SOCS7: variants seen among roughly 807,000 people sequenced by gnomAD.
SOCS7 encodes the protein NAP-4.
Under a neutral mutation model 58.9 loss-of-function variants are expected in SOCS7, and 18 were observed. The observed-to-expected ratio is 0.31, with a 90% CI of 0.21 to 0.45. The LOEUF (loss-of-function observed/expected upper bound fraction) is 0.45. Ranked by LOEUF, SOCS7 falls within the 20% of genes least tolerant of loss-of-function variation. The pLI is 1.00. For synonymous variants in SOCS7, 388 were observed against 364.3 expected (o/e 1.06, Z -0.74); for missense variants, 667 against 837.3 (o/e 0.80, Z 2.51).
intron 1 of SOCS7, among the ~76,000 whole-genome samples, chr17:38,353,267 T>C (rs1378940038): frequency 6.6e-6 from 1 of 152,208 alleles, no homozygotes; most frequent in African/African-American, 2.4e-5. Flanking sequence ...ATCTGTCTTG[T>C]TGGAAGATGG....
At chr17:38,388,362 T>A (rs932339518) in intron 7 of SOCS7, among the ~76,000 whole-genome samples, 2 of 146,522 alleles carry the variant, frequency 1.4e-5, no homozygotes, top group East Asian at 2.0e-4. Flanking sequence ...AAAAAAAAAA[T>A]ACAAAAATTA....
chr17:38,383,962 G>A (rs1224688051), intron 7 of SOCS7, among the ~76,000 whole-genome samples: 2 of 152,144 alleles, frequency 1.3e-5, no homozygotes, highest in Non-Finnish European at 2.9e-5. Context: ...CTTTCCTGGG[G>A]ATTTGTGACC....
chr17:38,379,015 G>A (rs1438133220), intron 7 of SOCS7, among the ~76,000 whole-genome samples: 7 of 151,524 alleles, frequency 4.6e-5, no homozygotes, highest in East Asian at 3.9e-4. Context: ...AAAATTAGCC[G>A]GGTGTGATGC....
chr17:38,405,263 A>G lies in SOCS7; in HGVS notation c.*5781A>G, dbSNP rs1036316910. On this transcript the variant is annotated 3_prime_UTR_variant, in exon 10 of 10. Transcript: ENST00000612932. ...GATGGGGAAAGGGAAAGAGGTTTTG[A>G]TATAAACAAAACAAATGCACTTTGG... 1.3e-5 allele frequency: 2 copies of G among 152,024 alleles called. No homozygotes were observed. Among genetic ancestry groups the G allele is most frequent in the Non-Finnish European group, 2.9e-5 (2 of 67,984 alleles). 9.4% of individuals were successfully genotyped at this position (152,024 alleles called of 1,614,324 possible).
chr17:38,353,094 T>A, intron 1 of SOCS7, 62 bp downstream of exon 1: 1 of 1,411,086 alleles, frequency 7.1e-7, no homozygotes, highest in Non-Finnish European at 9.4e-7. Context: ...CCTTTTTATC[T>A]ATTGCTATCG....
chr17:38,398,266 G>C (rs1359173883), intron 9 of SOCS7, among the ~76,000 whole-genome samples: 3 of 148,144 alleles, frequency 2.0e-5, no homozygotes, highest in Non-Finnish European at 4.5e-5. Context: ...TTTTGAGATG[G>C]AGTTTCGCTC....
intron 6 of SOCS7, among the ~76,000 whole-genome samples, chr17:38,371,906 A>G (rs2037873215): frequency 6.6e-6 from 1 of 151,562 alleles, no homozygotes; most frequent in Non-Finnish European, 1.5e-5. Context: ...GGATCTTTGT[A>G]ATATGTTGGC....
intron 7 of SOCS7, among the ~76,000 whole-genome samples, chr17:38,384,973 T>G (rs1191357335): frequency 6.9e-6 from 1 of 145,868 alleles, no homozygotes; most frequent in Non-Finnish European, 1.5e-5. Flanking sequence ...CTCAGCTCAC[T>G]GCAACCTCCG....
chr17:38,387,113 A>ATATATATATATGTGTGTG (rs2038081887), intron 7 of SOCS7, among the ~76,000 whole-genome samples: 16 of 103,456 alleles, frequency 1.5e-4, no homozygotes, highest in African/African-American at 3.1e-4. Flanking sequence ...ATATATATAT[A>ATATATATATATGTGTGTG]TATATATATA....
Position 38,397,291 on chromosome 17 carries a change from G to A in SOCS7, c.*30+1293G>A, listed in dbSNP as rs144331180. On this transcript the variant is annotated intron_variant, in intron 9 of 9. Transcript: ENST00000612932. Reference sequence around the variant, plus strand: ...CAGTGGGGAGCAAGTTCAGCATTACGCTTATTCTTTGCCACAGGCAACAAT... The same window carrying A: ...CAGTGGGGAGCAAGTTCAGCATTACACTTATTCTTTGCCACAGGCAACAAT... Among the ~76,000 whole-genome samples, 522 of 152,298 alleles carry A rather than the reference G, an allele frequency of 3.4e-3. 16 individuals carry two copies. The highest frequency in any genetic ancestry group is 7.9e-3 in the East Asian group (41 of 5,188).
At position 38,372,835 on chromosome 17, in the gene SOCS7, G is replaced by A. The variant is rs187120732; in HGVS notation, c.1552+4785G>A. 1.2e-3 allele frequency among the ~76,000 whole-genome samples: 182 copies of A among 152,254 alleles called. 1 individual carries two copies. The highest frequency in any genetic ancestry group is 4.3e-3 in the African/African-American group (180 of 41,564). On this transcript the variant is annotated intron_variant, in intron 6 of 9. Coordinates refer to ENST00000612932, the MANE Select transcript of SOCS7 (RefSeq NM_014598.4). Reference sequence around the variant, plus strand: ...TAATAAAAGAAAAAAGGCTGGATGCGGTGGCTCACACCTGTAATCCCGGCA... The same window carrying A: ...TAATAAAAGAAAAAAGGCTGGATGCAGTGGCTCACACCTGTAATCCCGGCA...
chr17:38,377,754 C>T lies in SOCS7; in HGVS notation c.1593C>T (p.Arg531=), dbSNP rs140480789. 54 of 1,613,132 alleles carry T rather than the reference C, an allele frequency of 3.3e-5. No homozygotes were observed. The highest frequency in any genetic ancestry group is 4.4e-5 in the Non-Finnish European group (52 of 1,179,570). The part of the protein sequence containing the change: ...SLWCHPKFED[R]CQSVVEFIKR... ...GGTGTCATCCCAAGTTTGAGGACCG[C>T]TGTCAATCTGTTGTAGAGTTTATTA... The change falls in exon 7 of 10, where the codon CGC becomes CGT. Residue 531 remains arginine (R), a synonymous_variant. Transcript: ENST00000612932.
In SOCS7 at chr17:38,351,935, C is replaced by A. The variant is rs985267414; in HGVS notation, c.-118C>A. On this transcript the variant is annotated 5_prime_UTR_variant, in exon 1 of 10. Transcript: ENST00000612932. The stretch of plus-strand genomic sequence containing the variant: ...CCGCCCCCCTCTATGAGGCAGAGGC[C>A]GCGGCGGCCGTTAGCGCTGTCGCTC... Among the ~76,000 whole-genome samples, 1 of 151,438 alleles carries A rather than the reference C, an allele frequency of 6.6e-6. No homozygotes were observed. Among genetic ancestry groups the A allele is most frequent in the South Asian group, 2.1e-4 (1 of 4,834 alleles).
rs889334273 is a variant in SOCS7 at position 38,352,900 on chromosome 17, G to T, written c.848G>T (p.Arg283Leu). Residue 283 changes from arginine (R) to leucine (L), a missense_variant, in exon 1 of 10, where the codon CGC becomes CTC. By Grantham distance (102) the Arg-to-Leu change is moderately radical. Coordinates refer to ENST00000612932, the MANE Select transcript of SOCS7 (RefSeq NM_014598.4). This position sits in a 1 kb window ranked among gnomAD's most constrained non-coding sequence, Gnocchi z 5.5. ...AAAATCCGCCTCAGTCGCCTCTTTC[G>T]CACCAAGAGCTGCAACGGTGGCTCC... is the stretch of plus-strand genomic sequence containing the variant. Reference protein sequence around the residue: ...SFKIRLSRLFRTKSCNGGSGG... With the variant: ...SFKIRLSRLFLTKSCNGGSGG... The T allele has an allele frequency of 6.2e-7, 1 of 1,604,058 alleles. No homozygotes were observed. The highest frequency in any genetic ancestry group is 1.7e-4 in the Middle Eastern group (1 of 6,038).
At position 38,366,321 on chromosome 17, in the gene SOCS7, T is replaced by C. The variant is rs1555568331; in HGVS notation, c.1287T>C (p.Ala429=). 6.2e-7 allele frequency: 1 copy of C among 1,614,172 alleles called. No homozygotes were observed. The highest frequency in any genetic ancestry group is 1.1e-5 in the South Asian group (1 of 91,090). Residue 429 remains alanine, a synonymous_variant, in exon 5 of 10, where the codon GCT becomes GCC. Transcript: ENST00000612932. ...CCCGGATTGCTCCCATCCGAGCAGC[T>C]GAATCCCTGCACAGCCAACCCCCAC... ...AFPRIAPIRA[A]ESLHSQPPQH...
At chr17:38,369,185 T>C (rs965789461) in intron 6 of SOCS7, among the ~76,000 whole-genome samples, 2 of 152,198 alleles carry the variant, frequency 1.3e-5, no homozygotes, top group African/African-American at 4.8e-5. Context: ...TTCCCATCCC[T>C]CACAGTCTTA....
At chr17:38,365,787 C>G (rs2037781306) in intron 4 of SOCS7, 1 of 201,124 alleles carries the variant, frequency 5.0e-6, no homozygotes, top group African/African-American at 2.3e-5. Flanking sequence ...TTAGTATTTA[C>G]TGCAGCCTTG....
At chr17:38,389,908 G>GTACATAT (rs2038146914) in intron 7 of SOCS7, among the ~76,000 whole-genome samples, 3 of 6,774 alleles carry the variant, frequency 4.4e-4, no homozygotes, top group Admixed American at 1.8e-3. Context: ...TACACATATA[G>GTACATAT]AGAGAGAGAG....
At chr17:38,389,899 A>ATG (rs2038143219) in intron 7 of SOCS7, among the ~76,000 whole-genome samples, 16 of 10,178 alleles carry the variant, frequency 1.6e-3, no homozygotes, top group African/African-American at 3.6e-3. Flanking sequence ...ATATATATAT[A>ATG]CACATATAGA....
Sources: allele counts gnomAD v4.1 joint callset (sites outside exome capture counted in the v4.1 genomes callset), GRCh38; gene constraint gnomAD v4.1.1; non-coding constraint Gnocchi (gnomAD v3.1); transcripts MANE v1.5; gene names NCBI Gene and HGNC (gene_info 2026-07-23, HGNC 2026-07-21).